RFXAP: variants seen among roughly 807,000 people sequenced by gnomAD.
RFXAP encodes regulatory factor X-associated protein.
In RFXAP, 21 loss-of-function variants were observed where a neutral mutation model predicts 25.7. That is an observed-to-expected ratio of 0.82 (90% confidence interval 0.58 to 1.18). RFXAP has a LOEUF of 1.18. RFXAP is among the 50% of genes most tolerant of loss of function. The pLI is 0.00. For missense variants in RFXAP, 333 were observed against 363.0 expected (o/e 0.92, Z 0.67); for synonymous variants, 161 against 152.2 (o/e 1.06, Z -0.43).
At chr13:36,823,399 T>C (rs1397444139) in intron 1 of RFXAP, among the ~76,000 whole-genome samples, 1 of 152,204 alleles carries the variant, frequency 6.6e-6, no homozygotes, top group Admixed American at 6.5e-5. Flanking sequence ...TTTGGAAAGA[T>C]AGGTTGAAGC....
chr13:36,819,474 C>T lies in RFXAP; in HGVS notation c.117C>T (p.Ala39=). 3 of 1,521,454 alleles carry T rather than the reference C, an allele frequency of 2.0e-6. No homozygotes were observed. The highest frequency in any genetic ancestry group is 1.8e-6 in the Non-Finnish European group (2 of 1,134,108). 94.2% of individuals were successfully genotyped at this position (1,521,454 alleles called of 1,614,324 possible). ...APTLAPASVA[A]AASQFTLLVM... ...CCTTGGCGCCAGCCTCGGTGGCGGC[C>T]GCGGCCTCTCAATTCACCCTGCTAG... The change falls in exon 1 of 3, where the codon GCC becomes GCT. Residue 39 remains alanine, a synonymous_variant. Transcript: ENST00000255476.
At chr13:36,824,437 G>A (rs2138216597) in intron 1 of RFXAP, among the ~76,000 whole-genome samples, 1 of 152,142 alleles carries the variant, frequency 6.6e-6, no homozygotes, top group African/African-American at 2.4e-5. Context: ...AAATTAAGGG[G>A]ATATTCTCAT....
chr13:36,819,752 G>C lies in RFXAP; in HGVS notation c.395G>C (p.Ser132Thr). 1 of 1,554,852 alleles carries C rather than the reference G, an allele frequency of 6.4e-7. No individual in the cohort carries two copies. Among genetic ancestry groups the C allele is most frequent in the Non-Finnish European group, 8.7e-7 (1 of 1,148,774 alleles). Residue 132 changes from serine (S) to threonine (T), a missense_variant, in exon 1 of 3, where the codon AGC becomes ACC. Ser to Thr is a moderately conservative substitution (Grantham distance 58, BLOSUM62 1). Coordinates refer to ENST00000255476, the MANE Select transcript of RFXAP (RefSeq NM_000538.4). Reference protein sequence around the residue: ...GSSGGARRRGSGGGSMSKTCT... With the variant: ...GSSGGARRRGTGGGSMSKTCT... ...AGCGGGGGCGCCCGGAGGCGGGGCA[G>C]CGGTGGGGGCAGCATGAGCAAGACC...
At chr13:36,825,605 T>C (rs1332936216) in intron 2 of RFXAP, 70 bp downstream of exon 2, 2 of 1,130,688 alleles carry the variant, frequency 1.8e-6, no homozygotes, top group African/African-American at 1.5e-5. Flanking sequence ...ACAATTGAGA[T>C]TTTTGAGATT....
intron 2 of RFXAP, among the ~76,000 whole-genome samples, chr13:36,827,373 A>G (rs1593532892): frequency 6.6e-6 from 1 of 152,080 alleles, no homozygotes; most frequent in Admixed American, 6.6e-5. Context: ...ATTTGCTGGC[A>G]TATTAGAGAA....
intron 1 of RFXAP, among the ~76,000 whole-genome samples, chr13:36,821,076 G>A (rs2057960282): frequency 6.6e-6 from 1 of 151,974 alleles, no homozygotes; most frequent in Admixed American, 6.6e-5. Context: ...CAGGTATGGT[G>A]GCAAGTGCCT....
intron 1 of RFXAP, among the ~76,000 whole-genome samples, chr13:36,823,785 A>G (rs1324040595): frequency 1.3e-5 from 2 of 152,204 alleles, no homozygotes; most frequent in East Asian, 3.8e-4. Context: ...TGAGAGACAC[A>G]TAAAGGGACT....
intron 1 of RFXAP, among the ~76,000 whole-genome samples, chr13:36,821,793 T>C (rs1332093863): frequency 1.3e-5 from 2 of 152,206 alleles, no homozygotes; most frequent in Non-Finnish European, 2.9e-5. Context: ...GTAAGAGGAC[T>C]TCTTTGAGGG....
In RFXAP at chr13:36,819,409, G is replaced by A. The variant is rs1232670161; in HGVS notation, c.52G>A (p.Val18Met). The A allele has an allele frequency of 3.0e-6, 4 of 1,315,534 alleles. No individual in the cohort carries two copies. Among genetic ancestry groups the A allele is most frequent in the South Asian group, 2.7e-5 (1 of 37,660 alleles). The allele number at this position is 1,315,534 out of a possible 1,614,324, so 81.5% of individuals were successfully genotyped here. The part of the protein sequence containing the change: ...EGAGPGAASG[V>M]PHPAALAPAA... ...CGCGGGGCCGGGCGCCGCCAGCGGC[G>A]TGCCCCACCCCGCGGCCCTAGCCCC... Residue 18 changes from valine to methionine, a missense_variant, in exon 1 of 3, where the codon GTG becomes ATG. Physicochemically the swap from Val to Met is conservative, Grantham distance 21. Transcript: ENST00000255476.
In RFXAP at chr13:36,827,901, A is replaced by G; in HGVS notation, c.*148A>G. On this transcript the variant is annotated 3_prime_UTR_variant, in exon 3 of 3. Coordinates refer to ENST00000255476, the MANE Select transcript of RFXAP (RefSeq NM_000538.4). ...TGTATGTGTGCATTTGGGGATAAGT[A>G]AGTATTGCACTTTGTGCATCTAATC... The G allele has an allele frequency of 1.5e-6, 1 of 669,758 alleles. No homozygotes were observed. Among genetic ancestry groups the G allele is most frequent in the South Asian group, 1.9e-5 (1 of 53,380 alleles). 41.5% of individuals were successfully genotyped at this position (669,758 alleles called of 1,614,324 possible).
rs1387335738 is a variant in RFXAP at position 36,827,604 on chromosome 13, G to T, written c.709-39G>T. 15 of 1,370,520 alleles carry T rather than the reference G, an allele frequency of 1.1e-5. No individual in the cohort carries two copies. The Admixed American group carries it at 1.4e-4, about 12-fold the overall frequency. 84.9% of individuals were successfully genotyped at this position (1,370,520 alleles called of 1,614,324 possible). ...AGCATGAAAACAGTCTAATGACATA[G>T]ATTAATGCTATTAATAATTTTTTTC... On this transcript the variant is annotated intron_variant, in intron 2 of 2. Transcript: ENST00000255476.
rs1001352582 is a variant in RFXAP at position 36,828,945 on chromosome 13, C to G, written c.*1192C>G. The stretch of plus-strand genomic sequence containing the variant: ...AAATTTGTTACTTGTTTTTTAAACT[C>G]TATATATAAAGTTCGACTTAATCAT... On this transcript the variant is annotated 3_prime_UTR_variant, in exon 3 of 3. Coordinates refer to ENST00000255476, the MANE Select transcript of RFXAP (RefSeq NM_000538.4). 1 of 152,216 alleles carries G rather than the reference C, an allele frequency of 6.6e-6. No homozygotes were observed. Among genetic ancestry groups the G allele is most frequent in the Admixed American group, 6.6e-5 (1 of 15,258 alleles). The allele number at this position is 152,216 out of a possible 1,614,324, so 9.4% of individuals were successfully genotyped here.
chr13:36,826,480 A>G (rs1181912076), intron 2 of RFXAP, among the ~76,000 whole-genome samples: 2 of 152,236 alleles, frequency 1.3e-5, no homozygotes, highest in African/African-American at 4.8e-5. Context: ...ATGGCATTAT[A>G]TATTGGTATG....
At chr13:36,824,197 G>A (rs1357535040) in intron 1 of RFXAP, among the ~76,000 whole-genome samples, 10 of 152,198 alleles carry the variant, frequency 6.6e-5, no homozygotes, top group Non-Finnish European at 1.5e-5. Flanking sequence ...TGTGAGGGCA[G>A]AGGGTACTGT....
Position 36,819,392 on chromosome 13 carries a change from CG to C in RFXAP, c.38del (p.Gly13AlafsTer12). The C allele has an allele frequency of 7.7e-7, 1 of 1,301,532 alleles. No homozygotes were observed. Among genetic ancestry groups the C allele is most frequent in the Non-Finnish European group, 9.7e-7 (1 of 1,030,884 alleles). The allele number at this position is 1,301,532 out of a possible 1,614,324, so 80.6% of individuals were successfully genotyped here. A position where few individuals can be genotyped will look rare whatever the true frequency, so the allele number is the denominator to read the frequency against. ...CAGGGTGTAGCGGAGGGCGCGGGGC[CG>C]GGCGCCGCCAGCGGCGTGCCCCACC... The part of the protein sequence containing the change: ...EAQGVAEGAG[P>X]GAASGVPHPA... On this transcript the variant is annotated frameshift_variant, in exon 1 of 3. Transcript: ENST00000255476. LOFTEE classifies it high-confidence loss of function.
At position 36,819,761 on chromosome 13, in the gene RFXAP, G is replaced by A. The variant is rs895189615; in HGVS notation, c.404G>A (p.Gly135Asp). 1.3e-6 allele frequency: 2 copies of A among 1,558,234 alleles called. No homozygotes were observed. The highest frequency in any genetic ancestry group is 2.4e-5 in the East Asian group (1 of 41,482). The stretch of plus-strand genomic sequence containing the variant: ...GCCCGGAGGCGGGGCAGCGGTGGGG[G>A]CAGCATGAGCAAGACCTGCACCTAC... ...GGARRRGSGG[G>D]SMSKTCTYEG... Residue 135 changes from glycine (G) to aspartate (D), a missense_variant, in exon 1 of 3, where the codon GGC (glycine) becomes GAC (aspartate). Coordinates refer to ENST00000255476, the MANE Select transcript of RFXAP (RefSeq NM_000538.4).
intron 2 of RFXAP, among the ~76,000 whole-genome samples, chr13:36,827,130 A>G (rs1177372794): frequency 6.6e-6 from 1 of 151,944 alleles, no homozygotes; most frequent in African/African-American, 2.4e-5. Flanking sequence ...ATACCGATAT[A>G]TATGTACATA....
intron 1 of RFXAP, among the ~76,000 whole-genome samples, chr13:36,823,232 TTACTA>T (rs1167812443): frequency 6.6e-6 from 1 of 152,216 alleles, no homozygotes; most frequent in Non-Finnish European, 1.5e-5. Context: ...TTTTACCTCC[TTACTA>T]TACTGCTTCC....
intron 1 of RFXAP, among the ~76,000 whole-genome samples, chr13:36,822,033 A>G (rs912847309): frequency 2.6e-5 from 4 of 152,178 alleles, no homozygotes; most frequent in Admixed American, 2.6e-4. Flanking sequence ...AGTATGTTCC[A>G]CAGGTGCCCA....
Sources: allele counts gnomAD v4.1 joint callset (sites outside exome capture counted in the v4.1 genomes callset), GRCh38; gene constraint gnomAD v4.1.1; transcripts MANE v1.5; gene names NCBI Gene and HGNC (gene_info 2026-07-23, HGNC 2026-07-21).